FARP2: variants seen among roughly 807,000 people sequenced by gnomAD.
The protein encoded by FARP2 is FERM, ARH/RhoGEF and pleckstrin domain protein 2.
A neutral mutation model predicts 130.5 loss-of-function variants in FARP2; 111 were observed. That is an observed-to-expected ratio of 0.85 (90% CI 0.73 to 1.00). FARP2 has a LOEUF of 1.00. FARP2 is among the 50% of genes least tolerant of loss of function. FARP2 has a pLI of 0.00. For synonymous variants in FARP2, 504 were observed against 516.9 expected (o/e 0.98, Z 0.34); for missense variants, 1,385 against 1,346.3 (o/e 1.03, Z -0.45).
At position 241,483,787 on chromosome 2, in the gene FARP2, A is replaced by G. The variant is rs1420980551; in HGVS notation, c.2331+254A>G. The G allele has an allele frequency of 1.5e-5, 15 of 985,270 alleles. No homozygotes were observed. In the South Asian group the frequency reaches 1.9e-4, roughly 12 times the overall value. 61.0% of individuals were successfully genotyped at this position (985,270 alleles called of 1,614,324 possible). On this transcript the variant is annotated intron_variant, in intron 20 of 26. Transcript: ENST00000264042. ...CATTCCAGGTTCTGAGCACCTGACT[A>G]TGGGACAAACAGAAGCCAAAAGATT...
chr2:241,465,343 C>G (rs954783239), intron 17 of FARP2: 1 of 768,596 alleles, frequency 1.3e-6, no homozygotes, highest in African/African-American at 1.7e-5. Flanking sequence ...AGGACAGAGT[C>G]CCCCCTCCCC....
chr2:241,479,313 A>G (rs1448607840), intron 19 of FARP2, among the ~76,000 whole-genome samples: 1 of 152,212 alleles, frequency 6.6e-6, no homozygotes, highest in East Asian at 1.9e-4. Flanking sequence ...TTGGTACTAC[A>G]CATAGTCTGT....
chr2:241,448,829 G>A (rs866232325), intron 13 of FARP2, among the ~76,000 whole-genome samples: 1 of 152,182 alleles, frequency 6.6e-6, no homozygotes, highest in Non-Finnish European at 1.5e-5. Flanking sequence ...CTACCAAGCC[G>A]TGGTCCAAGG....
chr2:241,463,457 G>A lies in FARP2; in HGVS notation c.1800G>A (p.Arg600=), dbSNP rs966224191. 5.6e-6 allele frequency: 9 copies of A among 1,613,542 alleles called. No homozygotes were observed. The highest frequency in any genetic ancestry group is 1.7e-5 in the Admixed American group (1 of 59,998). The change falls in exon 16 of 27, where the codon AGG becomes AGA. Residue 600 remains arginine, a synonymous_variant. Transcript: ENST00000264042. ...HRGFLREVEQ[R]LALWEGPSKA... is the part of the protein sequence containing the mutation. ...GCTTCCTGCGCGAGGTGGAGCAGAG[G>A]CTGGCACTCTGGTAACACCCCTTCA...
At chr2:241,437,339 C>T (rs915323507) in intron 12 of FARP2, among the ~76,000 whole-genome samples, 2 of 152,218 alleles carry the variant, frequency 1.3e-5, no homozygotes, top group South Asian at 2.1e-4. Flanking sequence ...ACAGCTGTTC[C>T]GTGCCACTGT....
chr2:241,389,486 G>C (rs1055592079), intron 2 of FARP2, among the ~76,000 whole-genome samples: 3 of 152,152 alleles, frequency 2.0e-5, no homozygotes, highest in African/African-American at 7.2e-5. Context: ...CCAGAACTAT[G>C]AGAAATAAAT....
intron 17 of FARP2, 75 bp downstream of exon 17, chr2:241,464,055 C>A: frequency 8.0e-7 from 1 of 1,245,294 alleles, no homozygotes; most frequent in Non-Finnish European, 1.2e-6. Context: ...AGCTGAGGCC[C>A]GTCAGAACAG....
At chr2:241,411,421 G>A (rs2062514590) in intron 6 of FARP2, among the ~76,000 whole-genome samples, 1 of 152,168 alleles carries the variant, frequency 6.6e-6, no homozygotes, top group South Asian at 2.1e-4. Context: ...TACCAGCAAT[G>A]CATATTCAGT....
chr2:241,415,074 A>G (rs1262753372), intron 7 of FARP2, among the ~76,000 whole-genome samples: 1 of 152,196 alleles, frequency 6.6e-6, no homozygotes, highest in Non-Finnish European at 1.5e-5. Flanking sequence ...CATTGTACAT[A>G]CGGTCAGACC....
intron 24 of FARP2, 89 bp from the exon 25 acceptor site, chr2:241,492,840 T>C (rs1436167636): frequency 2.7e-6 from 2 of 742,808 alleles, no homozygotes; most frequent in East Asian, 2.5e-5. Context: ...GGAGAAAGCA[T>C]GCAGAGGCTT....
chr2:241,418,095 G>A lies in FARP2; in HGVS notation c.757G>A (p.Val253Ile), dbSNP rs144620628. The A allele has an allele frequency of 7.5e-5, 121 of 1,614,110 alleles. No individual in the cohort carries two copies. The African/African-American group carries it at 1.5e-3, about 20-fold the overall frequency. ...KIQLAVSHMG[V>I]LVFQGTTKIN... is the part of the protein sequence containing the mutation. ...TCAACTGGCAGTTTCCCACATGGGT[G>A]TACTCGTGTTCCAGGTAGGCCAGTG... Residue 253 changes from valine to isoleucine, a missense_variant, in exon 8 of 27, where the codon GTA becomes ATA. Transcript: ENST00000264042.
At chr2:241,362,788 A>G (rs1031535977) in intron 1 of FARP2, among the ~76,000 whole-genome samples, 1 of 152,216 alleles carries the variant, frequency 6.6e-6, no homozygotes, top group Admixed American at 6.5e-5. Context: ...CAGAGAAACC[A>G]TCTGACTTCA....
chr2:241,442,250 T>C (rs889665359), intron 13 of FARP2: 2 of 456,510 alleles, frequency 4.4e-6, no homozygotes, highest in Non-Finnish European at 8.8e-6. Context: ...AGCTCCATGG[T>C]CAACTTCCCA....
chr2:241,437,728 G>A (rs1012148558), intron 12 of FARP2, among the ~76,000 whole-genome samples: 8 of 149,086 alleles, frequency 5.4e-5, no homozygotes, highest in African/African-American at 7.3e-5. Context: ...ATAGTGGCGC[G>A]ATCTCGGCTC....
At position 241,461,849 on chromosome 2, in the gene FARP2, G is replaced by T. The variant is rs945492678; in HGVS notation, c.1588-674G>T. ...CTCAACAGAGGGTGGCTCTTGGAGG[G>T]TTCAGGGTGGGGAGAGGCCCTGCAG... On this transcript the variant is annotated intron_variant, in intron 14 of 26. Coordinates refer to ENST00000264042, the MANE Select transcript of FARP2 (RefSeq NM_014808.4). Among the ~76,000 whole-genome samples, 12 of 152,230 alleles carry T rather than the reference G, an allele frequency of 7.9e-5. 1 individual carries two copies. Among genetic ancestry groups the T allele is most frequent in the Admixed American group, 7.8e-4 (12 of 15,290 alleles).
intron 5 of FARP2, among the ~76,000 whole-genome samples, chr2:241,409,386 C>T (rs552104978): frequency 2.3e-4 from 35 of 151,898 alleles, no homozygotes; most frequent in Non-Finnish European, 4.6e-4. Flanking sequence ...CTCATCTCTA[C>T]AAAATATCAA....
chr2:241,478,960 CA>C, intron 19 of FARP2: 1 of 416,122 alleles, frequency 2.4e-6, no homozygotes, highest in South Asian at 3.2e-5. Flanking sequence ...GAAAGAAGGC[CA>C]AGATTTTGCA....
intron 13 of FARP2, among the ~76,000 whole-genome samples, chr2:241,447,842 T>C (rs2150430368): frequency 6.6e-6 from 1 of 152,270 alleles, no homozygotes; most frequent in South Asian, 2.1e-4. Flanking sequence ...GAGGATAGGC[T>C]CCTCACCTTG....
chr2:241,427,948 A>C (rs1369148956), intron 8 of FARP2, among the ~76,000 whole-genome samples: 1 of 151,984 alleles, frequency 6.6e-6, no homozygotes, highest in Non-Finnish European at 1.5e-5. Context: ...TTGTATTTTT[A>C]GTAGAGGCGG....
Sources: gnomAD v4.1 joint callset for allele counts (sites outside exome capture counted in the v4.1 genomes callset) on GRCh38, gnomAD v4.1.1 for gene constraint, MANE v1.5 for transcripts, NCBI Gene and HGNC (gene_info 2026-07-23, HGNC 2026-07-21) for gene names.